Variants in UTS2 observed in about 807,000 individuals in gnomAD.
The protein encoded by UTS2 is urotensin-2.
UTS2 carries 10 observed loss-of-function variants against 12.6 expected under a neutral mutation model. The observed-to-expected ratio is 0.80, with a 90% confidence interval of 0.49 to 1.35. UTS2 has a LOEUF of 1.35. Among genes scored for constraint, UTS2 ranks in the 40% most tolerant of loss-of-function variants. UTS2 has a pLI of 0.00. For synonymous variants in UTS2, 52 were observed against 50.0 expected, an observed-to-expected ratio of 1.04 and a Z score of -0.17; for missense variants, 142 against 143.2, an observed-to-expected ratio of 0.99 and a Z score of 0.04.
the UTS2 span, among the ~76,000 whole-genome samples, chr1:7,883,621 T>C: frequency 6.6e-6 from 1 of 152,178 alleles, no homozygotes; most frequent in African/African-American, 2.4e-5. Flanking sequence ...TTACATATTA[T>C]ATGCATGTAT....
the UTS2 span, among the ~76,000 whole-genome samples, chr1:7,887,600 A>G: frequency 6.9e-6 from 1 of 144,422 alleles, no homozygotes; most frequent in Non-Finnish European, 1.5e-5. Context: ...TACAAAAAAA[A>G]AAAAAAAAAA....
chr1:7,911,757 C>T, the UTS2 span, among the ~76,000 whole-genome samples: 7 of 151,292 alleles, frequency 4.6e-5, no homozygotes, highest in South Asian at 8.3e-4. Flanking sequence ...CAAAAATTAG[C>T]GGGAGTGGTG....
At chr1:7,853,069 A>G, upstream of UTS2, 1 of 1,565,280 alleles carries the variant, frequency 6.4e-7, no homozygotes, top group East Asian at 2.3e-5. Context: ...CTGTCTCCTC[A>G]TTCTGCCTGC....
chr1:7,877,140 A>AG, the UTS2 span, among the ~76,000 whole-genome samples: 1 of 55,066 alleles, frequency 1.8e-5, no homozygotes, highest in Non-Finnish European at 4.3e-5. Flanking sequence ...AAAAAAAAAA[A>AG]AAGAAAAAAA....
chr1:7,879,613 C>T, the UTS2 span, among the ~76,000 whole-genome samples: 2 of 152,074 alleles, frequency 1.3e-5, no homozygotes, highest in Non-Finnish European at 1.5e-5. Flanking sequence ...TGGTGGCACA[C>T]GCTTGTAGTT....
chr1:7,902,868 C>A, the UTS2 span, among the ~76,000 whole-genome samples: 3 of 152,136 alleles, frequency 2.0e-5, no homozygotes, highest in African/African-American at 4.8e-5. Flanking sequence ...TTAGAGAATG[C>A]GGGGTTCCTT....
At chr1:7,906,449 GAGAAAGAAAGAAAGAAAGAAAGAAAGAA>G in the UTS2 span, among the ~76,000 whole-genome samples, 34 of 73,276 alleles carry the variant, frequency 4.6e-4, 1 homozygote, top group African/African-American at 1.7e-3. Context: ...GAAAGAAAAA[GAGAAAGAAAGAAAGAAAGAAAGAAAGAA>G]AGAAAGAAAG....
At chr1:7,910,411 CAG>C in the UTS2 span, among the ~76,000 whole-genome samples, 2 of 152,088 alleles carry the variant, frequency 1.3e-5, no homozygotes, top group Admixed American at 6.6e-5. Flanking sequence ...GAAGGCTGCA[CAG>C]AGAGGCCAAG....
the UTS2 span, among the ~76,000 whole-genome samples, chr1:7,882,228 G>C: frequency 6.6e-6 from 1 of 152,072 alleles, no homozygotes. Context: ...CCAGCTACTT[G>C]GGAGGCTTAG....
At chr1:7,848,892 C>G (rs1250031692) in intron 3 of UTS2, among the ~76,000 whole-genome samples, 2 of 152,162 alleles carry the variant, frequency 1.3e-5, no homozygotes, top group Non-Finnish European at 2.9e-5. Context: ...GCCCTTCACA[C>G]TTTCCCATGC....
At chr1:7,906,655 T>G in the UTS2 span, among the ~76,000 whole-genome samples, 1 of 151,884 alleles carries the variant, frequency 6.6e-6, no homozygotes, top group Non-Finnish European at 1.5e-5. Flanking sequence ...CAGAAAACTA[T>G]AGAGAGATAT....
At chr1:7,891,383 A>G in the UTS2 span, among the ~76,000 whole-genome samples, 10 of 152,086 alleles carry the variant, frequency 6.6e-5, no homozygotes, top group African/African-American at 2.2e-4. Flanking sequence ...AAAATTAGCC[A>G]GGCGTGGTGG....
At chr1:7,884,738 T>C in the UTS2 span, among the ~76,000 whole-genome samples, 1 of 152,062 alleles carries the variant, frequency 6.6e-6, no homozygotes, top group Non-Finnish European at 1.5e-5. Context: ...CATCCATCCA[T>C]TTATCCACTC....
chr1:7,908,539 C>G, the UTS2 span, among the ~76,000 whole-genome samples: 1 of 150,944 alleles, frequency 6.6e-6, no homozygotes, highest in Non-Finnish European at 1.5e-5. Flanking sequence ...CAGTACTGGT[C>G]AGATCAGACA....
chr1:7,868,486 G>A, the UTS2 span, among the ~76,000 whole-genome samples: 2 of 152,292 alleles, frequency 1.3e-5, no homozygotes, highest in South Asian at 4.1e-4. Context: ...GGACCTCAGG[G>A]AACTGACTTG....
At chr1:7,876,622 C>A in the UTS2 span, among the ~76,000 whole-genome samples, 1 of 152,200 alleles carries the variant, frequency 6.6e-6, no homozygotes, top group South Asian at 2.1e-4. Context: ...CATCCAGGGG[C>A]CCAAGGACTG....
the UTS2 span, among the ~76,000 whole-genome samples, chr1:7,858,737 C>T: frequency 3.9e-5 from 6 of 152,192 alleles, no homozygotes; most frequent in Non-Finnish European, 8.8e-5. Context: ...GCATGCACCA[C>T]CACACTCAGC....
chr1:7,911,880 G>T, the UTS2 span, among the ~76,000 whole-genome samples: 4 of 137,862 alleles, frequency 2.9e-5, no homozygotes, highest in Non-Finnish European at 6.1e-5. Context: ...CAGCCTGGGC[G>T]ACAGAGTGAG....
the UTS2 span, among the ~76,000 whole-genome samples, chr1:7,869,474 C>T: frequency 9.9e-5 from 15 of 152,230 alleles, no homozygotes; most frequent in Non-Finnish European, 2.1e-4. Flanking sequence ...AGTGCTATTC[C>T]ACAGGCCGAG....
Sources: gnomAD v4.1 joint callset for allele counts (sites outside exome capture counted in the v4.1 genomes callset) on GRCh38, gnomAD v4.1.1 for gene constraint, MANE v1.5 for transcripts, NCBI Gene and HGNC (gene_info 2026-07-23, HGNC 2026-07-21) for gene names.